Variants in AGPAT3 observed in about 807,000 individuals in gnomAD.
AGPAT3 encodes the protein 1-acyl-sn-glycerol-3-phosphate acyltransferase gamma.
AGPAT3 carries 5 observed loss-of-function variants against 47.3 expected under a neutral mutation model. The ratio of observed to expected loss-of-function variants is 0.11; its 90% CI spans 0.06 to 0.22. The LOEUF is 0.22. AGPAT3 is among the 10% of genes least tolerant of loss of function. The pLI, the probability that AGPAT3 is intolerant of heterozygous loss-of-function variation, is 1.00. For missense variants in AGPAT3, 315 were observed against 493.0 expected (o/e 0.64, Z 3.42); for synonymous variants, 212 against 208.3 (o/e 1.02, Z -0.15).
intron 2 of AGPAT3, among the ~76,000 whole-genome samples, chr21:43,905,042 T>C (rs2086455288): frequency 6.6e-6 from 1 of 152,106 alleles, no homozygotes; most frequent in Non-Finnish European, 1.5e-5. Flanking sequence ...CTTTCAGAGA[T>C]GTAGTCATGG....
At position 43,954,057 on chromosome 21, in the gene AGPAT3, G is replaced by A. The variant is rs1227703364; in HGVS notation, c.-48-5577G>A. Among the ~76,000 whole-genome samples the A allele has an allele frequency of 6.6e-6, 1 of 152,250 alleles. No individual in the cohort carries two copies. The highest frequency in any genetic ancestry group is 2.4e-5 in the African/African-American group (1 of 41,466). On this transcript the variant is annotated intron_variant, in intron 2 of 9. Transcript: ENST00000291572. The surrounding 1 kb of genome is among the most constrained non-coding windows in gnomAD (Gnocchi z 4.0). The stretch of plus-strand genomic sequence containing the variant: ...TGTAGACGTCAACTTCACATTGTCT[G>A]GGGATGCATAATTTCCTAAAAATCG...
At position 43,970,857 on chromosome 21, in the gene AGPAT3, A is replaced by G. The variant is rs767428513; in HGVS notation, c.664+51A>G. ...GGCCACCGCTATGCTCACGGAAAAT[A>G]GTGATTTCTTTAAAAAAAAAAAAAA... is the stretch of plus-strand genomic sequence containing the variant. On this transcript the variant is annotated intron_variant, in intron 6 of 9. Transcript: ENST00000291572. This position sits in a 1 kb window ranked among gnomAD's most constrained non-coding sequence, Gnocchi z 5.8. 2.2e-5 allele frequency: 32 copies of G among 1,423,062 alleles called. No individual in the cohort carries two copies. In the South Asian group the frequency reaches 4.2e-4, roughly 19 times the overall value. 88.2% of individuals were successfully genotyped at this position (1,423,062 alleles called of 1,614,324 possible).
chr21:43,899,895 T>C (rs553221972), intron 1 of AGPAT3, among the ~76,000 whole-genome samples: 23 of 152,186 alleles, frequency 1.5e-4, no homozygotes, highest in African/African-American at 4.8e-4. Context: ...GAAGAGGCGA[T>C]GAACTGAGAG....
At chr21:43,868,033 G>A (rs896341476) in intron 1 of AGPAT3, among the ~76,000 whole-genome samples, 2 of 152,170 alleles carry the variant, frequency 1.3e-5, no homozygotes, top group African/African-American at 4.8e-5. Flanking sequence ...TGCATTAATC[G>A]TTCACCTTCT....
At chr21:43,916,667 G>A (rs546328107) in intron 2 of AGPAT3, among the ~76,000 whole-genome samples, 31 of 152,036 alleles carry the variant, frequency 2.0e-4, no homozygotes, top group African/African-American at 6.0e-4. Flanking sequence ...AAGCCAGTGC[G>A]AATGTTGTCC....
In AGPAT3 at chr21:43,970,944, C is replaced by T. The variant is rs150753301; in HGVS notation, c.664+138C>T. On this transcript the variant is annotated intron_variant, in intron 6 of 9. Coordinates refer to ENST00000291572, the MANE Select transcript of AGPAT3 (RefSeq NM_020132.5). The surrounding 1 kb of genome is among the most constrained non-coding windows in gnomAD (Gnocchi z 5.8). ...TGCAAAAGGAATCAAGTGAGGGGGT[C>T]GGCGCCGCAAGGTTCCCGCGTCAGG... 3.5e-5 allele frequency: 36 copies of T among 1,019,894 alleles called. No homozygotes were observed. The highest frequency in any genetic ancestry group is 1.8e-4 in the East Asian group (6 of 33,298). The allele number at this position is 1,019,894 out of a possible 1,614,324, so 63.2% of individuals were successfully genotyped here. A position where few individuals can be genotyped will look rare whatever the true frequency, so the allele number is the denominator to read the frequency against.
At chr21:43,879,588 C>G (rs1046129501) in intron 1 of AGPAT3, among the ~76,000 whole-genome samples, 4 of 152,132 alleles carry the variant, frequency 2.6e-5, no homozygotes, top group African/African-American at 7.2e-5. Context: ...GTTTCCTTCT[C>G]TGCTCTCGGC....
At chr21:43,976,434 G>A (rs891008696) in intron 7 of AGPAT3, among the ~76,000 whole-genome samples, 1 of 152,170 alleles carries the variant, frequency 6.6e-6, no homozygotes, top group Admixed American at 6.5e-5. Context: ...TCCTGGCCTC[G>A]TGGTCTGCCT....
At chr21:43,950,657 G>C (rs577007894) in intron 2 of AGPAT3, 2 of 152,246 alleles carry the variant, frequency 1.3e-5, no homozygotes, top group Non-Finnish European at 2.9e-5. Context: ...CCGCGCCCCC[G>C]CTGCTCAGTG....
chr21:43,958,014 G>A (rs967652215), intron 2 of AGPAT3, among the ~76,000 whole-genome samples: 2 of 152,218 alleles, frequency 1.3e-5, no homozygotes, highest in African/African-American at 2.4e-5. Context: ...CTTCAAATAC[G>A]CACACGAGTG....
Position 43,981,066 on chromosome 21 carries a change from C to T in AGPAT3, c.921C>T (p.Thr307=), listed in dbSNP as rs761115619. Residue 307 remains threonine (T), a synonymous_variant, in exon 9 of 10, where the codon ACC becomes ACT. Transcript: ENST00000291572. This position sits in a 1 kb window ranked among gnomAD's most constrained non-coding sequence, Gnocchi z 5.3. ...TTAAGCCTGCCCGGAGGCCGTGGACCCTCCTGAACTTCCTGTCCTGGGCCA... is the reference window on the plus strand; with the variant it reads ...TTAAGCCTGCCCGGAGGCCGTGGACTCTCCTGAACTTCCTGTCCTGGGCCA... ...EQFKPARRPW[T]LLNFLSWATI... 1.2e-6 allele frequency: 2 copies of T among 1,614,168 alleles called. No homozygotes were observed. The highest frequency in any genetic ancestry group is 1.7e-6 in the Non-Finnish European group (2 of 1,180,022).
Position 43,932,427 on chromosome 21 carries a change from C to G in AGPAT3, c.-48-27207C>G, listed in dbSNP as rs540597807. ...TCTACCACGTTTGTCTGTGATGTTG[C>G]CAGTGACAGGACTTCCTTCTTCCTT... On this transcript the variant is annotated intron_variant, in intron 2 of 9. Transcript: ENST00000291572. This position sits in a 1 kb window ranked among gnomAD's most constrained non-coding sequence, Gnocchi z 5.2. Among the ~76,000 whole-genome samples the G allele has an allele frequency of 6.6e-6, 1 of 152,280 alleles. No individual in the cohort carries two copies. The highest frequency in any genetic ancestry group is 2.1e-4 in the South Asian group (1 of 4,826).
intron 1 of AGPAT3, among the ~76,000 whole-genome samples, chr21:43,897,530 C>T (rs922080688): frequency 1.9e-4 from 28 of 147,052 alleles, no homozygotes; most frequent in Non-Finnish European, 3.4e-4. Context: ...CGGGCAGAGG[C>T]GCTCCTCACA....
chr21:43,952,777 G>T lies in AGPAT3; in HGVS notation c.-48-6857G>T, dbSNP rs2088263341. Among the ~76,000 whole-genome samples the T allele has an allele frequency of 1.3e-5, 2 of 152,066 alleles. No individual in the cohort carries two copies. Among genetic ancestry groups the T allele is most frequent in the Admixed American group, 1.3e-4 (2 of 15,272 alleles). The stretch of plus-strand genomic sequence containing the variant: ...GGTGGCATCTGAGCAGCCATGAAAA[G>T]GTGCCATGGGGACTGGAGAGGCCCA... On this transcript the variant is annotated intron_variant, in intron 2 of 9. Coordinates refer to ENST00000291572, the MANE Select transcript of AGPAT3 (RefSeq NM_020132.5). This position sits in a 1 kb window ranked among gnomAD's most constrained non-coding sequence, Gnocchi z 5.6.
Position 43,955,339 on chromosome 21 carries a change from T to C in AGPAT3, c.-48-4295T>C. 2 of 880,334 alleles carry C rather than the reference T, an allele frequency of 2.3e-6. No individual in the cohort carries two copies. Among genetic ancestry groups the C allele is most frequent in the Non-Finnish European group, 2.9e-6 (2 of 690,178 alleles). The allele number at this position is 880,334 out of a possible 1,614,324, so 54.5% of individuals were successfully genotyped here. ...TGTTCCCTGTTGCAGTGTGGTGGGG[T>C]CACAGGCGGCTTAGCTTGTCAACAC... On this transcript the variant is annotated intron_variant, in intron 2 of 9. Coordinates refer to ENST00000291572, the MANE Select transcript of AGPAT3 (RefSeq NM_020132.5). The surrounding 1 kb of genome is among the most constrained non-coding windows in gnomAD (Gnocchi z 4.1).
At chr21:43,931,347 A>G (rs1833248942) in intron 2 of AGPAT3, among the ~76,000 whole-genome samples, 1 of 152,152 alleles carries the variant, frequency 6.6e-6, no homozygotes, top group Non-Finnish European at 1.5e-5. Context: ...CTGAAGAAAG[A>G]TTTTATTGAC....
intron 1 of AGPAT3, among the ~76,000 whole-genome samples, chr21:43,873,155 A>G (rs1187765208): frequency 1.3e-5 from 2 of 152,276 alleles, no homozygotes; most frequent in Non-Finnish European, 2.9e-5. Flanking sequence ...CCCGGGGGAC[A>G]TGCTGAGGTG....
At chr21:43,936,649 G>A (rs780171789) in intron 2 of AGPAT3, among the ~76,000 whole-genome samples, 6 of 152,318 alleles carry the variant, frequency 3.9e-5, no homozygotes, top group Middle Eastern at 3.4e-3. Flanking sequence ...AAGCTCACCC[G>A]ACTGCTGCCC....
At chr21:43,959,960 G>T in intron 3 of AGPAT3, 101 bp downstream of exon 3, 1 of 1,324,368 alleles carries the variant, frequency 7.6e-7, no homozygotes, top group Admixed American at 2.1e-5. Flanking sequence ...GGAAGTGAGG[G>T]CTATGCAGGA....
Sources: gnomAD v4.1 joint callset for allele counts (sites outside exome capture counted in the v4.1 genomes callset) on GRCh38, gnomAD v4.1.1 for gene constraint, Gnocchi (gnomAD v3.1) non-coding constraint, MANE v1.5 for transcripts, NCBI Gene and HGNC (gene_info 2026-07-23, HGNC 2026-07-21) for gene names.